CYP4F22: variants seen among roughly 807,000 people sequenced by gnomAD.
CYP4F22 encodes the protein cytochrome P450 family 4 subfamily F member 22, also known as ultra-long-chain fatty acid omega-hydroxylase.
In CYP4F22, 37 loss-of-function variants were observed where a neutral mutation model predicts 60.4. That is an observed-to-expected ratio of 0.61 (90% CI 0.47 to 0.81). CYP4F22 has a LOEUF of 0.81. Ranked by LOEUF, CYP4F22 falls within the 30% of genes least tolerant of loss-of-function variation. The pLI, the probability that CYP4F22 is intolerant of heterozygous loss-of-function variation, is 0.00. For missense variants in CYP4F22, 655 were observed against 715.0 expected (o/e 0.92, Z 0.96); for synonymous variants, 258 against 280.5 (o/e 0.92, Z 0.80).
At chr19:15,539,969 T>G (rs905751526) in intron 7 of CYP4F22, among the ~76,000 whole-genome samples, 16 of 152,240 alleles carry the variant, frequency 1.1e-4, no homozygotes, top group African/African-American at 3.6e-4. Context: ...CATTGCCCAT[T>G]TTAAAATAAG....
chr19:15,549,223 TCCCTG>T, intron 12 of CYP4F22, 21 bp downstream of exon 12: 1 of 1,613,754 alleles, frequency 6.2e-7, no homozygotes, highest in Non-Finnish European at 8.5e-7. Flanking sequence ...GCCCCACTCC[TCCCTG>T]CCCTCAGGTC....
chr19:15,538,934 C>CA (rs1726543586), intron 7 of CYP4F22, among the ~76,000 whole-genome samples: 1 of 152,148 alleles, frequency 6.6e-6, no homozygotes, highest in South Asian at 2.1e-4. Context: ...AAGAAAACGA[C>CA]AGACTGCAAT....
rs547982124 is a variant in CYP4F22, at chr19:15,547,817, G to A, written c.1137-291G>A. 1.5e-4 allele frequency among the ~76,000 whole-genome samples: 22 copies of A among 149,334 alleles called. No homozygotes were observed. In the East Asian group the frequency reaches 3.9e-3, roughly 27 times the overall value. On this transcript the variant is annotated intron_variant, in intron 10 of 13. Transcript: ENST00000269703. ...AGCCTGGGCAACAAGAGCGAAACTCGGTCTTAAAAAAAAAAAAGAAAGAAA... is the reference window on the plus strand; with the variant it reads ...AGCCTGGGCAACAAGAGCGAAACTCAGTCTTAAAAAAAAAAAAGAAAGAAA...
chr19:15,541,831 G>A (rs7250826), intron 8 of CYP4F22, among the ~76,000 whole-genome samples: 7,864 of 137,782 alleles, frequency 0.057, 399 homozygotes, highest in East Asian at 0.29. Context: ...GGTGAGCTGA[G>A]ATCATGCCAT....
intron 1 of CYP4F22, among the ~76,000 whole-genome samples, chr19:15,510,226 C>G (rs1257176282): frequency 1.3e-5 from 2 of 152,064 alleles, no homozygotes; most frequent in South Asian, 4.2e-4. Context: ...AAGTGATCCA[C>G]CCGCCTCAGC....
At chr19:15,533,659 G>A (rs1254466333) in intron 4 of CYP4F22, among the ~76,000 whole-genome samples, 1 of 141,746 alleles carries the variant, frequency 7.1e-6, no homozygotes, top group African/African-American at 2.7e-5. Context: ...GTGCAGTGGT[G>A]TAGCCATAAC....
chr19:15,517,451 G>A lies in CYP4F22; in HGVS notation c.-108-6242G>A, dbSNP rs180719640. Among the ~76,000 whole-genome samples, 71 of 152,212 alleles carry A rather than the reference G, an allele frequency of 4.7e-4. No homozygotes were observed. In the South Asian group the frequency reaches 0.012, roughly 26 times the overall value. ...TGGTAGGGGGACGGGGAGGTGAAGC[G>A]GACACAGGGCTCCACAACTCCCCTC... is the stretch of plus-strand genomic sequence containing the variant. On this transcript the variant is annotated intron_variant, in intron 1 of 13. Coordinates refer to ENST00000269703, the MANE Select transcript of CYP4F22 (RefSeq NM_173483.4).
At chr19:15,538,142 T>A in intron 7 of CYP4F22, 149 bp downstream of exon 7, 1 of 1,065,680 alleles carries the variant, frequency 9.4e-7, no homozygotes, top group Middle Eastern at 2.2e-4. Flanking sequence ...ACTGACCATC[T>A]CTCTGAGCTT....
rs773376142 is a variant in CYP4F22, at chr19:15,544,303, G to C, written c.1136+24G>C. On this transcript the variant is annotated intron_variant, in intron 10 of 13. Transcript: ENST00000269703. Reference sequence around the variant, plus strand: ...TGGTGAGTGTGGGGTCAGGGGAATGGAGGGGGCAGGTTGAGGCCAGAGCCT... The same window carrying C: ...TGGTGAGTGTGGGGTCAGGGGAATGCAGGGGGCAGGTTGAGGCCAGAGCCT... 6 of 1,609,774 alleles carry C rather than the reference G, an allele frequency of 3.7e-6. No individual in the cohort carries two copies. In the South Asian group the frequency reaches 5.5e-5, roughly 15 times the overall value.
chr19:15,543,838 T>C (rs1291476703), intron 8 of CYP4F22, 133 bp from the exon 9 acceptor site: 31 of 912,674 alleles, frequency 3.4e-5, no homozygotes, highest in Middle Eastern at 3.3e-4. Context: ...GCCTGGGTGA[T>C]AGAGCGAGAC....
chr19:15,516,837 T>A, intron 1 of CYP4F22: 1 of 237,538 alleles, frequency 4.2e-6, no homozygotes, highest in Non-Finnish European at 7.2e-6. Flanking sequence ...ATGTTATTCT[T>A]TTTTTTTTTT....
chr19:15,548,312 GC>G, intron 11 of CYP4F22, 71 bp downstream of exon 11: 1 of 1,599,580 alleles, frequency 6.3e-7, no homozygotes, highest in Non-Finnish European at 8.5e-7. Flanking sequence ...GTCCACAGGG[GC>G]CTGGCTATGC....
chr19:15,510,946 A>ATATATATATATT (rs2144491252), intron 1 of CYP4F22, among the ~76,000 whole-genome samples: 1 of 74,226 alleles, frequency 1.3e-5, no homozygotes, highest in African/African-American at 5.0e-5. Flanking sequence ...TAGGGATACC[A>ATATATATATATT]TATATATATA....
At chr19:15,540,983 A>G (rs1434566060) in intron 8 of CYP4F22, among the ~76,000 whole-genome samples, 6 of 152,240 alleles carry the variant, frequency 3.9e-5, no homozygotes, top group African/African-American at 1.4e-4. Flanking sequence ...TGGGAGGCTG[A>G]AGCAGGAGTC....
intron 1 of CYP4F22, among the ~76,000 whole-genome samples, chr19:15,523,271 A>G (rs1322834158): frequency 6.6e-6 from 1 of 152,008 alleles, no homozygotes; most frequent in Non-Finnish European, 1.5e-5. Flanking sequence ...GAGGTGGGAG[A>G]ATCGCTTGAA....
intron 1 of CYP4F22, among the ~76,000 whole-genome samples, chr19:15,509,893 C>CTTTCT (rs1476200218): frequency 8.2e-5 from 9 of 110,170 alleles, no homozygotes; most frequent in East Asian, 5.4e-4. Flanking sequence ...TCCTTCCTTC[C>CTTTCT]TTCCTTCCTT....
intron 12 of CYP4F22, among the ~76,000 whole-genome samples, chr19:15,550,272 G>A (rs542906937): frequency 2.0e-5 from 3 of 152,148 alleles, no homozygotes; most frequent in Admixed American, 6.5e-5. Context: ...CAGCCTGAGT[G>A]AGACTCTGAC....
At chr19:15,525,709 T>G in intron 3 of CYP4F22, 151 bp downstream of exon 3, 2 of 755,350 alleles carry the variant, frequency 2.6e-6, no homozygotes, top group East Asian at 5.4e-5. Context: ...AGGCTGAGGC[T>G]CAGAGAGGGC....
Position 15,547,018 on chromosome 19 carries a change from G to GTTTTTTTTTTTTTTTT in CYP4F22, c.1137-1083_1137-1068dup, listed in dbSNP as rs71176432. Among the ~76,000 whole-genome samples, 149 of 82,294 alleles carry GTTTTTTTTTTTTTTTT rather than the reference G, an allele frequency of 1.8e-3. 16 individuals are homozygous for GTTTTTTTTTTTTTTTT. Among genetic ancestry groups the GTTTTTTTTTTTTTTTT allele is most frequent in the East Asian group, 5.3e-3 (10 of 1,874 alleles). 54.0% of individuals were successfully genotyped at this position (82,294 alleles called of 152,430 possible). A position where few individuals can be genotyped will look rare whatever the true frequency, so the allele number is the denominator to read the frequency against. ...GAGCCACCATGCCTGGCCTGCACCA[G>GTTTTTTTTTTTTTTTT]TTTTTTTTTTTTTTTTTTTTTTAAG... On this transcript the variant is annotated intron_variant, in intron 10 of 13. Transcript: ENST00000269703.
Sources: gnomAD v4.1 joint callset for allele counts (sites outside exome capture counted in the v4.1 genomes callset) on GRCh38, gnomAD v4.1.1 for gene constraint, MANE v1.5 for transcripts, NCBI Gene and HGNC (gene_info 2026-07-23, HGNC 2026-07-21) for gene names.